TSNARE1: variants seen among roughly 807,000 people sequenced by gnomAD.
TSNARE1 encodes the protein t-SNARE domain containing 1, also known as t-SNARE domain-containing protein 1.
TSNARE1 carries 49 observed loss-of-function variants against 62.0 expected under a neutral mutation model. The observed-to-expected ratio is 0.79, with a 90% confidence interval of 0.63 to 1.00. TSNARE1 has a LOEUF of 1.00. Ranked by LOEUF, TSNARE1 falls within the 50% of genes least tolerant of loss-of-function variation. The pLI, the probability that TSNARE1 is intolerant of heterozygous loss-of-function variation, is 0.00. For synonymous variants in TSNARE1, 328 were observed against 294.4 expected (o/e 1.11, Z -1.17); for missense variants, 755 against 700.1 (o/e 1.08, Z -0.88).
Position 142,222,924 on chromosome 8 carries a change from T to TCACTCATC in TSNARE1, c.*11+6541_*11+6548dup, listed in dbSNP as rs1563756244. Among the ~76,000 whole-genome samples the TCACTCATC allele has an allele frequency of 6.8e-3, 518 of 76,556 alleles. 10 individuals carry two copies. The highest frequency in any genetic ancestry group is 0.017 in the African/African-American group (506 of 30,352). 50.2% of individuals were successfully genotyped at this position (76,556 alleles called of 152,430 possible). A position where few individuals can be genotyped will look rare whatever the true frequency, so the allele number is the denominator to read the frequency against. ...CTTACTCATCCACTCATTCACTCAT[T>TCACTCATC]CACTCATCCACTCATTCACTCACTC... On this transcript the variant is annotated intron_variant, in intron 13 of 13. Transcript: ENST00000524325.
At chr8:142,357,236 G>A (rs996037635) in intron 1 of TSNARE1, among the ~76,000 whole-genome samples, 12 of 152,222 alleles carry the variant, frequency 7.9e-5, no homozygotes, top group Non-Finnish European at 1.8e-4. Flanking sequence ...CTCACGCCCC[G>A]TGAGACCTCA....
intron 12 of TSNARE1, chr8:142,272,678 T>C: frequency 2.2e-6 from 2 of 915,098 alleles, no homozygotes; most frequent in South Asian, 5.3e-5. Context: ...CAGGACATTC[T>C]ATGCAGAGGC....
At chr8:142,366,466 C>T (rs966816724) in intron 1 of TSNARE1, among the ~76,000 whole-genome samples, 2 of 152,110 alleles carry the variant, frequency 1.3e-5, no homozygotes, top group African/African-American at 4.8e-5. Context: ...TTGTTTTTCC[C>T]AGGAATGCAA....
Position 142,314,409 on chromosome 8 carries a change from G to C in TSNARE1, c.1106C>G (p.Pro369Arg). ...KIAEKSRALL[P>R]MAQRGSKQSP... ...CTGTTTACTGCCCCTCTGCGCCATGGGAAGCAGCGCTCTGGACTTTTCTGC... is the reference window on the plus strand; with the variant it reads ...CTGTTTACTGCCCCTCTGCGCCATGCGAAGCAGCGCTCTGGACTTTTCTGC... Residue 369 changes from proline (P) to arginine (R), a missense_variant, in exon 9 of 14, where the codon CCC becomes CGC. Transcript: ENST00000524325. 6.2e-7 allele frequency: 1 copy of C among 1,614,032 alleles called. No individual in the cohort carries two copies. The highest frequency in any genetic ancestry group is 8.5e-7 in the Non-Finnish European group (1 of 1,179,972).
intron 6 of TSNARE1, among the ~76,000 whole-genome samples, chr8:142,324,710 A>C (rs1407031110): frequency 6.6e-6 from 1 of 152,212 alleles, no homozygotes; most frequent in Non-Finnish European, 1.5e-5. Context: ...TGGAGTGGGC[A>C]GAGGTAGGGT....
At chr8:142,406,038 C>T (rs1490025931), upstream of TSNARE1, 1 of 152,316 alleles carries the variant, frequency 6.6e-6, no homozygotes, top group African/African-American at 2.4e-5. Context: ...ACAATCGAGC[C>T]TCCTGGTCCT....
At chr8:142,351,621 T>C (rs997618817) in intron 2 of TSNARE1, among the ~76,000 whole-genome samples, 1 of 152,160 alleles carries the variant, frequency 6.6e-6, no homozygotes, top group African/African-American at 2.4e-5. Context: ...TCCTAAACCT[T>C]ATGGTCAACA....
chr8:142,361,063 T>C (rs1460266592), intron 1 of TSNARE1, among the ~76,000 whole-genome samples: 1 of 152,190 alleles, frequency 6.6e-6, no homozygotes, highest in Non-Finnish European at 1.5e-5. Context: ...TGAGAGCAGG[T>C]CGCCCACAGG....
chr8:142,248,054 C>T (rs1261279746), intron 12 of TSNARE1, among the ~76,000 whole-genome samples: 2 of 152,154 alleles, frequency 1.3e-5, no homozygotes, highest in East Asian at 1.9e-4. Context: ...GTGACGGTAT[C>T]GAGAGGTGAT....
chr8:142,244,378 GAAAC>G (rs1331038504), intron 12 of TSNARE1, among the ~76,000 whole-genome samples: 78 of 152,134 alleles, frequency 5.1e-4, no homozygotes, highest in Non-Finnish European at 8.8e-5. Context: ...ATCATTTATA[GAAAC>G]AAACAAAATA....
chr8:142,308,702 C>T (rs1427521578), intron 9 of TSNARE1, among the ~76,000 whole-genome samples: 10 of 152,190 alleles, frequency 6.6e-5, no homozygotes, highest in Admixed American at 6.5e-4. Flanking sequence ...TAGTATAAAT[C>T]CCTTTCGTTC....
rs1563757253 is a variant in TSNARE1 at position 142,223,309 on chromosome 8, T to TTCACTCATTCAC, written c.*11+6163_*11+6164insGTGAATGAGTGA. Reference sequence around the variant, plus strand: ...TCATACTCACTCAACCACTCACTCATTCACTCACTCATTCACTCACTCGTT... The same window carrying TTCACTCATTCAC: ...TCATACTCACTCAACCACTCACTCATTCACTCATTCACTCACTCACTCATTCACTCACTCGTT... On this transcript the variant is annotated intron_variant, in intron 13 of 13. Transcript: ENST00000524325. Among the ~76,000 whole-genome samples the TTCACTCATTCAC allele has an allele frequency of 8.4e-3, 103 of 12,298 alleles. 11 individuals carry two copies. Among genetic ancestry groups the TTCACTCATTCAC allele is most frequent in the African/African-American group, 0.031 (91 of 2,930 alleles). The allele number at this position is 12,298 out of a possible 152,430, so 8.1% of individuals were successfully genotyped here. A position where few individuals can be genotyped will look rare whatever the true frequency, so the allele number is the denominator to read the frequency against.
At chr8:142,242,474 G>C (rs1331554373) in intron 12 of TSNARE1, among the ~76,000 whole-genome samples, 2 of 152,246 alleles carry the variant, frequency 1.3e-5, no homozygotes, top group Admixed American at 1.3e-4. Flanking sequence ...AGAGTGAAGA[G>C]ATGACCTGCA....
intron 2 of TSNARE1, among the ~76,000 whole-genome samples, chr8:142,349,578 T>TG (rs1489120421): frequency 1.3e-5 from 2 of 152,174 alleles, no homozygotes; most frequent in Non-Finnish European, 2.9e-5. Context: ...GCCATATCTC[T>TG]GCAGAGACCT....
At chr8:142,279,990 A>C (rs1821144641) in intron 11 of TSNARE1, 1 of 1,160,400 alleles carries the variant, frequency 8.6e-7, no homozygotes, top group Admixed American at 4.3e-5. Flanking sequence ...TCTTGCGCAC[A>C]GCACCTCGCA....
At chr8:142,301,134 C>T (rs374966180) in intron 9 of TSNARE1, among the ~76,000 whole-genome samples, 9 of 150,258 alleles carry the variant, frequency 6.0e-5, no homozygotes, top group African/African-American at 1.5e-4. Flanking sequence ...CTTCACCTCC[C>T]GCCAGGAGCC....
chr8:142,360,489 CT>C (rs926603904), intron 1 of TSNARE1, among the ~76,000 whole-genome samples: 1 of 152,160 alleles, frequency 6.6e-6, no homozygotes, highest in African/African-American at 2.4e-5. Context: ...AGCTCCAGGG[CT>C]GCCTCAATGA....
chr8:142,333,440 A>G (rs1467811751), intron 4 of TSNARE1, among the ~76,000 whole-genome samples: 2 of 152,222 alleles, frequency 1.3e-5, no homozygotes, highest in Non-Finnish European at 2.9e-5. Context: ...TTTAAATAAA[A>G]GAACGTGGTT....
intron 12 of TSNARE1, chr8:142,273,961 C>T (rs1820008506): frequency 2.0e-6 from 2 of 985,306 alleles, no homozygotes; most frequent in Non-Finnish European, 2.4e-6. Flanking sequence ...ACACCCACTG[C>T]ACCATCTCGT....
Sources: allele counts gnomAD v4.1 joint callset (sites outside exome capture counted in the v4.1 genomes callset), GRCh38; gene constraint gnomAD v4.1.1; transcripts MANE v1.5; gene names NCBI Gene and HGNC (gene_info 2026-07-23, HGNC 2026-07-21).